Variants in FSTL4 observed in about 807,000 individuals in gnomAD.
The protein encoded by FSTL4 is follistatin-related protein 4.
FSTL4 carries 28 observed loss-of-function variants against 78.2 expected under a neutral mutation model. That is an observed-to-expected ratio of 0.36 (90% CI 0.27 to 0.49). The LOEUF is 0.49. Ranked by LOEUF, FSTL4 falls within the 20% of genes least tolerant of loss-of-function variation. The pLI, the probability that FSTL4 is intolerant of heterozygous loss-of-function variation, is 0.98. For missense variants in FSTL4, 922 were observed against 1,084.9 expected (o/e 0.85, Z 2.11); for synonymous variants, 422 against 440.5 (o/e 0.96, Z 0.53).
chr5:133,654,740 G>A, the FSTL4 span, among the ~76,000 whole-genome samples: 1 of 152,174 alleles, frequency 6.6e-6, no homozygotes, highest in African/African-American at 2.4e-5. Flanking sequence ...AGAGGACAAA[G>A]TGATCAGCAT....
At chr5:133,532,775 C>G (rs1318928296) in intron 3 of FSTL4, among the ~76,000 whole-genome samples, 1 of 152,184 alleles carries the variant, frequency 6.6e-6, no homozygotes, top group Non-Finnish European at 1.5e-5. Context: ...CTGTGGCCAT[C>G]CTGGCTCAGA....
the FSTL4 span, among the ~76,000 whole-genome samples, chr5:133,653,129 T>A: frequency 1.3e-5 from 2 of 152,196 alleles, no homozygotes; most frequent in African/African-American, 4.8e-5. Context: ...AGCCCAGGCA[T>A]GCTGAGTCAG....
chr5:133,714,098 C>T, the FSTL4 span, among the ~76,000 whole-genome samples: 1 of 152,108 alleles, frequency 6.6e-6, no homozygotes, highest in Non-Finnish European at 1.5e-5. Flanking sequence ...ACCAAGGGCT[C>T]GTCTGGGCGC....
intron 3 of FSTL4, among the ~76,000 whole-genome samples, chr5:133,486,042 G>T (rs372183615): frequency 5.3e-5 from 8 of 152,224 alleles, no homozygotes; most frequent in Middle Eastern, 3.4e-3. Flanking sequence ...TGGCACTCAC[G>T]GTGAGAATGG....
chr5:133,758,733 T>C, the FSTL4 span, among the ~76,000 whole-genome samples: 1,570 of 152,346 alleles, frequency 0.01, 40 homozygotes, highest in African/African-American at 0.037. Context: ...ACATGTATTA[T>C]CTCACACATT....
At chr5:133,200,726 C>G (rs1210409417) in intron 15 of FSTL4, among the ~76,000 whole-genome samples, 1 of 152,136 alleles carries the variant, frequency 6.6e-6, no homozygotes, top group Non-Finnish European at 1.5e-5. Flanking sequence ...CTCACAGAGG[C>G]CTTTTGGTGC....
the FSTL4 span, among the ~76,000 whole-genome samples, chr5:133,700,115 A>AGCCACACCAAACC: frequency 3.3e-5 from 5 of 152,114 alleles, no homozygotes; most frequent in Non-Finnish European, 7.4e-5. Context: ...TCAGAGAGCA[A>AGCCACACCAAACC]GCCACACCAA....
intron 3 of FSTL4, among the ~76,000 whole-genome samples, chr5:133,444,907 A>T (rs559085020): frequency 6.6e-6 from 1 of 152,292 alleles, no homozygotes; most frequent in East Asian, 1.9e-4. Flanking sequence ...GAGATGCCAG[A>T]TTGCTCCTAG....
intron 3 of FSTL4, among the ~76,000 whole-genome samples, chr5:133,507,395 A>G (rs1758630634): frequency 6.6e-6 from 1 of 152,170 alleles, no homozygotes. Context: ...ATGCTTTGGA[A>G]CTAGCTCAGA....
chr5:133,723,892 G>T, the FSTL4 span, among the ~76,000 whole-genome samples: 1 of 152,182 alleles, frequency 6.6e-6, no homozygotes, highest in African/African-American at 2.4e-5. Context: ...TGGGGAAACG[G>T]AGAAGCTCCA....
At chr5:133,467,387 A>C (rs1240917956) in intron 3 of FSTL4, among the ~76,000 whole-genome samples, 2 of 151,792 alleles carry the variant, frequency 1.3e-5, no homozygotes, top group Admixed American at 1.3e-4. Context: ...CTGCAGGAGG[A>C]GGCTGGCTCT....
At chr5:133,599,847 TG>T (rs959998511) in intron 2 of FSTL4, among the ~76,000 whole-genome samples, 6 of 150,666 alleles carry the variant, frequency 4.0e-5, no homozygotes, top group South Asian at 2.1e-4. Context: ...GCTGCAAAAG[TG>T]GGGGGGCGGC....
At chr5:133,632,225 TATAAGA>T in the FSTL4 span, among the ~76,000 whole-genome samples, 1,382 of 152,298 alleles carry the variant, frequency 9.1e-3, 24 homozygotes, top group African/African-American at 0.031. Context: ...TCAAGTAAAG[TATAAGA>T]ATATTACCTC....
At chr5:133,769,540 C>T in the FSTL4 span, among the ~76,000 whole-genome samples, 2 of 152,176 alleles carry the variant, frequency 1.3e-5, no homozygotes, top group East Asian at 3.8e-4. Flanking sequence ...TACTCTGGTC[C>T]ATCAGTATCA....
rs1446280677 is a variant in FSTL4 at position 133,612,142 on chromosome 5, C to T, written c.-11+183G>A. On this transcript the variant is annotated intron_variant, in intron 1 of 15. Transcript: ENST00000265342. The surrounding 1 kb of genome is among the most constrained non-coding windows in gnomAD (Gnocchi z 6.2). ...GAGCCCTGGCCCAGCGGTCCCTTCC[C>T]CGCGGGCAAACTTGGCTTTCCCGGC... 6.6e-6 allele frequency among the ~76,000 whole-genome samples: 1 copy of T among 152,012 alleles called. No homozygotes were observed. Among genetic ancestry groups the T allele is most frequent in the Non-Finnish European group, 1.5e-5 (1 of 67,954 alleles).
intron 4 of FSTL4, among the ~76,000 whole-genome samples, chr5:133,356,603 G>GAGCC (rs763341261): frequency 6.6e-6 from 1 of 152,204 alleles, no homozygotes; most frequent in Non-Finnish European, 1.5e-5. Flanking sequence ...GAGGCCCCAG[G>GAGCC]AGCCCGTTGA....
At chr5:133,528,760 G>A (rs1759188398) in intron 3 of FSTL4, among the ~76,000 whole-genome samples, 2 of 152,224 alleles carry the variant, frequency 1.3e-5, no homozygotes, top group Admixed American at 1.3e-4. Flanking sequence ...ATCCATTATA[G>A]TGCATGGTTC....
intron 4 of FSTL4, among the ~76,000 whole-genome samples, chr5:133,367,486 G>A (rs146519016): frequency 9.1e-4 from 138 of 152,326 alleles, no homozygotes; most frequent in African/African-American, 2.7e-3. Flanking sequence ...AAAGGCCTGC[G>A]TTTTTAATTC....
At chr5:133,645,263 A>ATACTATGAAACTG in the FSTL4 span, among the ~76,000 whole-genome samples, 1 of 152,158 alleles carries the variant, frequency 6.6e-6, no homozygotes, top group Non-Finnish European at 1.5e-5. Flanking sequence ...ATATGAAACT[A>ATACTATGAAACTG]TACTATGAAA....
Sources: allele counts gnomAD v4.1 joint callset (sites outside exome capture counted in the v4.1 genomes callset), GRCh38; gene constraint gnomAD v4.1.1; non-coding constraint Gnocchi (gnomAD v3.1); transcripts MANE v1.5; gene names NCBI Gene and HGNC (gene_info 2026-07-23, HGNC 2026-07-21).